The following CMSS1 variants were observed in gnomAD, a reference collection of about 807,000 sequenced individuals.
CMSS1 encodes the protein cms1 ribosomal small subunit homolog.
In CMSS1, 33 loss-of-function variants were observed where a neutral mutation model predicts 43.5. The observed-to-expected ratio is 0.76, with a 90% CI of 0.57 to 1.01. The LOEUF (loss-of-function observed/expected upper bound fraction) is 1.01. Among genes scored for constraint, CMSS1 ranks in the 50% least tolerant of loss-of-function variants. The pLI, the probability that CMSS1 is intolerant of heterozygous loss-of-function variation, is 0.00. For missense variants in CMSS1, 313 were observed against 326.4 expected (o/e 0.96, Z 0.32); for synonymous variants, 115 against 117.2 (o/e 0.98, Z 0.12).
chr3:100,032,250 C>A (rs1163689253), intron 1 of CMSS1, among the ~76,000 whole-genome samples: 1 of 152,146 alleles, frequency 6.6e-6, no homozygotes, highest in Admixed American at 6.6e-5. Flanking sequence ...CAGATGGATG[C>A]GTTGGCCCTT....
intron 1 of CMSS1, among the ~76,000 whole-genome samples, chr3:99,922,418 A>G (rs891541576): frequency 2.0e-5 from 3 of 152,214 alleles, no homozygotes; most frequent in African/African-American, 7.2e-5. Context: ...GGAGCAAGTT[A>G]GTAGGACCTT....
intron 1 of CMSS1, among the ~76,000 whole-genome samples, chr3:99,992,915 A>T (rs1709565365): frequency 6.6e-6 from 1 of 152,090 alleles, no homozygotes; most frequent in Non-Finnish European, 1.5e-5. Context: ...CATTTATTGA[A>T]CAGGTTGTCA....
At chr3:99,919,999 G>GA (rs1163074729) in intron 1 of CMSS1, among the ~76,000 whole-genome samples, 1 of 152,156 alleles carries the variant, frequency 6.6e-6, no homozygotes, top group Non-Finnish European at 1.5e-5. Context: ...TGGTGTTTGA[G>GA]AAGCTACCAT....
intron 1 of CMSS1, among the ~76,000 whole-genome samples, chr3:100,018,692 A>G (rs1168032294): frequency 1.3e-5 from 2 of 151,876 alleles, no homozygotes; most frequent in Non-Finnish European, 2.9e-5. Flanking sequence ...TAAAGCAAGA[A>G]TAGATGAATG....
chr3:100,177,242 T>C (rs1424251321), intron 9 of CMSS1, among the ~76,000 whole-genome samples: 1 of 152,168 alleles, frequency 6.6e-6, no homozygotes, highest in East Asian at 1.9e-4. Context: ...ATTTCAGACA[T>C]CAGTTCAGGT....
At chr3:99,931,124 T>A in intron 1 of CMSS1, 1 of 1,020,434 alleles carries the variant, frequency 9.8e-7, no homozygotes, top group South Asian at 1.6e-5. Context: ...ATTCTTGTTA[T>A]ATTTACCACA....
rs143813123 is a variant in CMSS1 at position 99,966,638 on chromosome 3, C to A, written c.64+148595C>A. On this transcript the variant is annotated intron_variant, in intron 1 of 9. Transcript: ENST00000421999. ...TGTATATACAGTTTGATTTAAGATGCCACATTTACATGGCATTTTCAACCT... is the reference window on the plus strand; with the variant it reads ...TGTATATACAGTTTGATTTAAGATGACACATTTACATGGCATTTTCAACCT... 3.1e-3 allele frequency among the ~76,000 whole-genome samples: 473 copies of A among 152,250 alleles called. 4 individuals are homozygous for A. Among genetic ancestry groups the A allele is most frequent in the African/African-American group, 0.011 (447 of 41,544 alleles).
intron 1 of CMSS1, among the ~76,000 whole-genome samples, chr3:99,969,397 C>A (rs1362539421): frequency 6.6e-6 from 1 of 152,076 alleles, no homozygotes; most frequent in Non-Finnish European, 1.5e-5. Context: ...ACGTTGATGG[C>A]CTATTTGAGA....
At chr3:99,947,137 C>CAAAA (rs397829321) in intron 1 of CMSS1, among the ~76,000 whole-genome samples, 35 of 88,610 alleles carry the variant, frequency 3.9e-4, no homozygotes, top group African/African-American at 6.6e-4. Context: ...GACTCTGTCT[C>CAAAA]AAAAAAAAAA....
chr3:99,902,363 T>C (rs1185150369), intron 1 of CMSS1, among the ~76,000 whole-genome samples: 1 of 152,326 alleles, frequency 6.6e-6, no homozygotes, highest in Non-Finnish European at 1.5e-5. Context: ...TGAACAGATA[T>C]TCAACTCATT....
intron 1 of CMSS1, among the ~76,000 whole-genome samples, chr3:100,078,154 G>A (rs1042138929): frequency 4.0e-5 from 6 of 151,806 alleles, no homozygotes; most frequent in Admixed American, 6.6e-5. Flanking sequence ...CATCATATTG[G>A]TGCTAATATA....
intron 1 of CMSS1, among the ~76,000 whole-genome samples, chr3:99,958,745 A>G (rs1264364659): frequency 6.6e-6 from 1 of 151,796 alleles, no homozygotes; most frequent in African/African-American, 2.4e-5. Flanking sequence ...AGTGTGGATC[A>G]TGGGGCTAGA....
chr3:99,991,682 C>T lies in CMSS1; in HGVS notation c.65-155291C>T, dbSNP rs143307151. 4.6e-3 allele frequency among the ~76,000 whole-genome samples: 704 copies of T among 152,056 alleles called. 2 individuals carry two copies. Among genetic ancestry groups the T allele is most frequent in the South Asian group, 6.9e-3 (33 of 4,816 alleles). On this transcript the variant is annotated intron_variant, in intron 1 of 9. Transcript: ENST00000421999. ...ATGTATATCCATTGTGTAGCTCCCA[C>T]TTATAGGTGAGAACATGCTGTATTT...
In CMSS1 at chr3:99,850,162, T is replaced by C. The variant is rs779751852; in HGVS notation, c.64+32119T>C. 10 of 1,610,846 alleles carry C rather than the reference T, an allele frequency of 6.2e-6. No individual in the cohort carries two copies. In the Admixed American group the frequency reaches 1.7e-4, roughly 27 times the overall value. ...TTTCTTTAATTTTTCACTCATTGTT[T>C]TCCGTTCATCTACAAACATCACAGT... On this transcript the variant is annotated intron_variant, in intron 1 of 9. Transcript: ENST00000421999.
At chr3:100,121,355 C>T (rs2066618325) in intron 1 of CMSS1, among the ~76,000 whole-genome samples, 1 of 151,374 alleles carries the variant, frequency 6.6e-6, no homozygotes, top group Admixed American at 6.6e-5. Context: ...GTTTTCTGTC[C>T]TTGTGATAGT....
At chr3:99,980,463 T>A (rs538204261) in intron 1 of CMSS1, among the ~76,000 whole-genome samples, 1 of 152,322 alleles carries the variant, frequency 6.6e-6, no homozygotes, top group South Asian at 2.1e-4. Context: ...ACCAGCACAT[T>A]TTTATTTCCA....
chr3:100,039,344 T>C (rs2065162569), intron 1 of CMSS1, among the ~76,000 whole-genome samples: 1 of 152,230 alleles, frequency 6.6e-6, no homozygotes, highest in African/African-American at 2.4e-5. Context: ...ACTCACCTGC[T>C]ACAGGAATAT....
chr3:100,019,148 C>A (rs1230140180), intron 1 of CMSS1, among the ~76,000 whole-genome samples: 1 of 152,102 alleles, frequency 6.6e-6, no homozygotes, highest in Non-Finnish European at 1.5e-5. Flanking sequence ...AATAGGTCTA[C>A]CTTATTATCC....
At position 99,848,273 on chromosome 3, in the gene CMSS1, G is replaced by GATC; in HGVS notation, c.64+30230_64+30231insATC. On this transcript the variant is annotated intron_variant, in intron 1 of 9. Transcript: ENST00000421999. ...TATGGACTGGATGAGGGTGAGCGTG[G>GATC]TCAGTTATATATATTACTTACTGTA... The GATC allele has an allele frequency of 2.5e-6, 4 of 1,612,010 alleles. No homozygotes were observed. In the South Asian group the frequency reaches 3.3e-5, roughly 13 times the overall value.
Sources: allele counts gnomAD v4.1 joint callset (sites outside exome capture counted in the v4.1 genomes callset), GRCh38; gene constraint gnomAD v4.1.1; transcripts MANE v1.5; gene names NCBI Gene and HGNC (gene_info 2026-07-23, HGNC 2026-07-21).